The following ANO1 variants were observed in gnomAD, a reference collection of about 807,000 sequenced individuals.
ANO1 encodes anoctamin-1.
ANO1 carries 59 observed loss-of-function variants against 124.0 expected under a neutral mutation model. The ratio of observed to expected loss-of-function variants is 0.48; its 90% CI spans 0.39 to 0.59. The LOEUF (loss-of-function observed/expected upper bound fraction) is 0.59, where lower values mean the gene tolerates loss of function less well. Ranked by LOEUF, ANO1 falls within the 20% of genes least tolerant of loss-of-function variation. The probability of loss-of-function intolerance (pLI) is 0.00; values close to 1 mark genes in which losing one functional copy is unlikely to be tolerated. For missense variants in ANO1, 1,059 were observed against 1,328.0 expected (o/e 0.80, Z 3.15); for synonymous variants, 529 against 532.0 (o/e 0.99, Z 0.08).
At chr11:70,156,076 TA>T (rs200975014) in intron 15 of ANO1, 88 bp downstream of exon 15, 4 of 1,216,152 alleles carry the variant, frequency 3.3e-6, no homozygotes, top group African/African-American at 2.2e-5. Flanking sequence ...AACTGTTGTA[TA>T]TATTTTTTTT....
the ANO1 span, among the ~76,000 whole-genome samples, chr11:69,980,869 T>C: frequency 6.6e-6 from 1 of 151,834 alleles, no homozygotes; most frequent in Admixed American, 6.6e-5. Flanking sequence ...CTGGCCAACA[T>C]GGTGAAACCC....
intron 1 of ANO1, among the ~76,000 whole-genome samples, chr11:70,080,810 G>A (rs534829632): frequency 2.4e-4 from 37 of 152,354 alleles, no homozygotes; most frequent in Admixed American, 2.4e-3. Flanking sequence ...GACCCTGGGA[G>A]CAGCATCTGC....
At chr11:69,985,704 C>T (rs548403432), upstream of ANO1, among the ~76,000 whole-genome samples, 470 of 152,280 alleles carry the variant, frequency 3.1e-3, 1 homozygote, top group Non-Finnish European at 5.8e-3. Context: ...GCGGTGGAGA[C>T]GCGCCCCGCG....
the ANO1 span, among the ~76,000 whole-genome samples, chr11:69,973,728 C>T: frequency 4.0e-5 from 6 of 151,574 alleles, no homozygotes; most frequent in Non-Finnish European, 8.8e-5. Context: ...AAAAATTAGC[C>T]GGGCGTGGTG....
chr11:70,010,011 G>A (rs1856561225), intron 1 of ANO1, among the ~76,000 whole-genome samples: 1 of 151,756 alleles, frequency 6.6e-6, no homozygotes, highest in Non-Finnish European at 1.5e-5. Context: ...TTATAGGTGA[G>A]AACATACAAT....
intron 7 of ANO1, among the ~76,000 whole-genome samples, chr11:70,115,277 C>A (rs1001750809): frequency 6.6e-6 from 1 of 152,114 alleles, no homozygotes; most frequent in Admixed American, 6.5e-5. Context: ...CTGGACAGAC[C>A]CCCAGGAGCC....
At chr11:70,000,612 A>G (rs1030231772) in intron 1 of ANO1, among the ~76,000 whole-genome samples, 1 of 150,282 alleles carries the variant, frequency 6.7e-6, no homozygotes, top group African/African-American at 2.4e-5. Flanking sequence ...CAGATTTACT[A>G]TTGAACAAAC....
Position 70,145,281 on chromosome 11 carries a change from C to A in ANO1, c.1259-4429C>A, listed in dbSNP as rs1225832126. ...AGCCTGGACTCCACAGCTCCACCCC[C>A]ACGCTCACTGCCCACAAAAGCCAGA... is the stretch of plus-strand genomic sequence containing the variant. On this transcript the variant is annotated intron_variant, in intron 11 of 25. Transcript: ENST00000355303. 2.0e-5 allele frequency among the ~76,000 whole-genome samples: 3 copies of A among 152,300 alleles called. No individual in the cohort carries two copies. In the East Asian group the frequency reaches 5.8e-4, roughly 29 times the overall value.
chr11:70,112,641 T>A (rs942521319), intron 7 of ANO1, among the ~76,000 whole-genome samples: 12 of 146,532 alleles, frequency 8.2e-5, no homozygotes, highest in African/African-American at 2.5e-4. Flanking sequence ...CACGGCAACC[T>A]CCACCTCTTG....
At chr11:70,174,004 C>T (rs887033386) in intron 22 of ANO1, among the ~76,000 whole-genome samples, 11 of 150,838 alleles carry the variant, frequency 7.3e-5, no homozygotes, top group African/African-American at 1.9e-4. Flanking sequence ...GGCACAATCT[C>T]GGCTCACTGC....
intron 2 of ANO1, among the ~76,000 whole-genome samples, chr11:70,097,155 C>A (rs1275597570): frequency 6.6e-6 from 1 of 152,196 alleles, no homozygotes; most frequent in Non-Finnish European, 1.5e-5. Context: ...CAAGACATCA[C>A]TGAGCAGGCC....
upstream of ANO1, among the ~76,000 whole-genome samples, chr11:70,077,679 G>A (rs1412166201): frequency 4.6e-5 from 7 of 152,228 alleles, no homozygotes; most frequent in Non-Finnish European, 7.3e-5. Context: ...CTGGTCCTTG[G>A]CCCTCCTAAG....
chr11:70,135,612 G>A (rs1425907399), intron 11 of ANO1, among the ~76,000 whole-genome samples: 3 of 152,118 alleles, frequency 2.0e-5, no homozygotes, highest in Non-Finnish European at 4.4e-5. Context: ...CTCTCCAAAC[G>A]TCCAGTAATT....
upstream of ANO1, among the ~76,000 whole-genome samples, chr11:69,984,584 C>T (rs1197939549): frequency 1.3e-5 from 2 of 152,190 alleles, no homozygotes; most frequent in Admixed American, 6.5e-5. Flanking sequence ...AAGCGCTTTC[C>T]TCCTGGGGCA....
At chr11:70,048,899 A>G (rs1302618247) in intron 1 of ANO1, among the ~76,000 whole-genome samples, 1 of 152,110 alleles carries the variant, frequency 6.6e-6, no homozygotes, top group Non-Finnish European at 1.5e-5. Context: ...TGTGTTTGCC[A>G]GTGGAAACAG....
chr11:70,009,076 C>T (rs782597563), intron 1 of ANO1, among the ~76,000 whole-genome samples: 2 of 152,228 alleles, frequency 1.3e-5, no homozygotes, highest in East Asian at 1.9e-4. Flanking sequence ...ACAGACATTT[C>T]CCGCATTCCT....
chr11:70,088,119 G>C, intron 2 of ANO1, 35 bp downstream of exon 2: 1 of 205,218 alleles, frequency 4.9e-6, no homozygotes. Context: ...TGTGGGGGGT[G>C]GGGGGTGGGC....
chr11:70,032,571 C>G (rs556387982), intron 1 of ANO1, among the ~76,000 whole-genome samples: 1 of 151,936 alleles, frequency 6.6e-6, no homozygotes, highest in African/African-American at 2.4e-5. Context: ...TCCGCAGAAC[C>G]CACTGTGAAG....
chr11:70,125,917 G>T (rs145194804), intron 9 of ANO1, 144 bp from the exon 10 acceptor site: 2 of 971,770 alleles, frequency 2.1e-6, no homozygotes, highest in African/African-American at 3.3e-5. Context: ...TGATGGGGCG[G>T]CCCAGGACCC....
Sources: gnomAD v4.1 joint callset for allele counts (sites outside exome capture counted in the v4.1 genomes callset) on GRCh38, gnomAD v4.1.1 for gene constraint, MANE v1.5 for transcripts, NCBI Gene and HGNC (gene_info 2026-07-23, HGNC 2026-07-21) for gene names.